ANTXR1: variants seen among roughly 807,000 people sequenced by gnomAD.
ANTXR1 encodes anthrax toxin receptor 1.
ANTXR1 carries 19 observed loss-of-function variants against 78.1 expected under a neutral mutation model. The observed-to-expected ratio is 0.24, with a 90% confidence interval of 0.17 to 0.36. The LOEUF is 0.36. ANTXR1 is among the 10% of genes least tolerant of loss of function. The pLI is 1.00. For missense variants in ANTXR1, 518 were observed against 718.6 expected, an observed-to-expected ratio of 0.72 and a Z score of 3.19; for synonymous variants, 273 against 260.5, an observed-to-expected ratio of 1.05 and a Z score of -0.46.
chr2:69,129,821 G>C (rs1328849568), intron 12 of ANTXR1, among the ~76,000 whole-genome samples: 6 of 152,242 alleles, frequency 3.9e-5, no homozygotes, highest in Middle Eastern at 6.8e-3. Context: ...AATGCCATAG[G>C]ATTTCAGAGC....
At chr2:69,101,769 C>T (rs1321706553) in intron 9 of ANTXR1, among the ~76,000 whole-genome samples, 1 of 152,218 alleles carries the variant, frequency 6.6e-6, no homozygotes, top group African/African-American at 2.4e-5. Context: ...CTCTGACCTT[C>T]AGTCTATTTC....
intron 2 of ANTXR1, among the ~76,000 whole-genome samples, chr2:69,042,978 T>A (rs1669653898): frequency 6.6e-6 from 1 of 152,190 alleles, no homozygotes; most frequent in South Asian, 2.1e-4. Context: ...TCCTCACTGC[T>A]GACACTCTCT....
intron 17 of ANTXR1, among the ~76,000 whole-genome samples, chr2:69,239,839 G>T (rs945095141): frequency 1.3e-5 from 2 of 152,148 alleles, no homozygotes; most frequent in African/African-American, 4.8e-5. Flanking sequence ...TCCAGAACCT[G>T]ATCAACAAGA....
intron 14 of ANTXR1, among the ~76,000 whole-genome samples, chr2:69,174,404 G>A (rs1196996809): frequency 3.3e-5 from 5 of 152,150 alleles, no homozygotes; most frequent in African/African-American, 1.2e-4. Flanking sequence ...TTGGGAGGCC[G>A]AGGCGGGCAG....
At chr2:69,025,805 A>G (rs1392162432) in intron 1 of ANTXR1, among the ~76,000 whole-genome samples, 2 of 152,242 alleles carry the variant, frequency 1.3e-5, no homozygotes, top group Non-Finnish European at 2.9e-5. Context: ...GGCCTGGTCT[A>G]TGCTTGTTGT....
At chr2:69,223,662 A>G (rs1225528033) in intron 17 of ANTXR1, among the ~76,000 whole-genome samples, 1 of 152,196 alleles carries the variant, frequency 6.6e-6, no homozygotes, top group Admixed American at 6.5e-5. Context: ...ATGACCCAAA[A>G]ATGTTCTAAT....
At chr2:69,209,788 C>T (rs916235915) in intron 17 of ANTXR1, among the ~76,000 whole-genome samples, 4 of 152,196 alleles carry the variant, frequency 2.6e-5, no homozygotes, top group Non-Finnish European at 4.4e-5. Context: ...AGGTCAGAGA[C>T]AGCAGGGGAG....
chr2:69,048,821 A>T (rs1669849827), intron 3 of ANTXR1, among the ~76,000 whole-genome samples: 1 of 152,136 alleles, frequency 6.6e-6, no homozygotes, highest in African/African-American at 2.4e-5. Context: ...AACCACATAC[A>T]TTTTAAATAA....
chr2:69,139,545 TG>T (rs1386942671), intron 12 of ANTXR1, among the ~76,000 whole-genome samples: 1 of 152,228 alleles, frequency 6.6e-6, no homozygotes, highest in Admixed American at 6.5e-5. Flanking sequence ...CACAGTTTAA[TG>T]ACATTGCTTT....
intron 8 of ANTXR1, among the ~76,000 whole-genome samples, chr2:69,081,814 C>T (rs901324515): frequency 2.0e-5 from 3 of 152,206 alleles, no homozygotes; most frequent in African/African-American, 7.2e-5. Flanking sequence ...TCAGTGAGTT[C>T]GTACTATGTG....
At chr2:69,217,977 G>C (rs1573984448) in intron 17 of ANTXR1, among the ~76,000 whole-genome samples, 2 of 152,320 alleles carry the variant, frequency 1.3e-5, no homozygotes, top group East Asian at 3.9e-4. Context: ...CTACTTTTCA[G>C]AGGGGCACAC....
chr2:69,064,810 G>T (rs1346089557), intron 3 of ANTXR1, among the ~76,000 whole-genome samples: 1 of 152,104 alleles, frequency 6.6e-6, no homozygotes, highest in Non-Finnish European at 1.5e-5. Context: ...AAATCACAAG[G>T]GAAATTAGAA....
chr2:69,075,484 G>T (rs1374453325), intron 6 of ANTXR1, 106 bp from the exon 7 acceptor site: 19 of 1,071,344 alleles, frequency 1.8e-5, no homozygotes, highest in Non-Finnish European at 2.8e-5. Flanking sequence ...CAGGCACATG[G>T]TAGGTGCTCA....
chr2:69,147,144 G>A (rs1242882768), intron 12 of ANTXR1, among the ~76,000 whole-genome samples: 4 of 152,234 alleles, frequency 2.6e-5, no homozygotes, highest in African/African-American at 9.6e-5. Context: ...GCTATGCCAT[G>A]TGAGCCCTGC....
chr2:69,050,169 A>T (rs1398855093), intron 3 of ANTXR1, among the ~76,000 whole-genome samples: 1 of 151,826 alleles, frequency 6.6e-6, no homozygotes, highest in Non-Finnish European at 1.5e-5. Flanking sequence ...ATGTTGTCAC[A>T]CCCCTGTGGT....
chr2:69,047,278 AT>A (rs2104101711), intron 3 of ANTXR1, among the ~76,000 whole-genome samples: 1 of 152,346 alleles, frequency 6.6e-6, no homozygotes, highest in South Asian at 2.1e-4. Flanking sequence ...AGATGAAAAA[AT>A]AGAATGGAAA....
intron 8 of ANTXR1, among the ~76,000 whole-genome samples, chr2:69,078,591 G>A (rs1670809688): frequency 6.6e-6 from 1 of 152,168 alleles, no homozygotes; most frequent in Non-Finnish European, 1.5e-5. Flanking sequence ...TCAGAGCCCG[G>A]CAACCCAGAG....
chr2:69,210,582 T>C (rs1279165720), intron 17 of ANTXR1, among the ~76,000 whole-genome samples: 1 of 152,198 alleles, frequency 6.6e-6, no homozygotes, highest in Non-Finnish European at 1.5e-5. Context: ...CAAAGCACCC[T>C]GCAGCACAGC....
chr2:69,030,030 T>C (rs1671481128), intron 1 of ANTXR1, among the ~76,000 whole-genome samples: 1 of 152,230 alleles, frequency 6.6e-6, no homozygotes, highest in African/African-American at 2.4e-5. Flanking sequence ...AAACTCCTCT[T>C]TTCTTCCAAG....
Sources: allele counts gnomAD v4.1 joint callset (sites outside exome capture counted in the v4.1 genomes callset), GRCh38; gene constraint gnomAD v4.1.1; transcripts MANE v1.5; gene names NCBI Gene and HGNC (gene_info 2026-07-23, HGNC 2026-07-21).